KCNJ3: variants seen among roughly 807,000 people sequenced by gnomAD.
KCNJ3 encodes the protein potassium inwardly rectifying channel subfamily J member 3, also known as G protein-activated inward rectifier potassium channel 1.
KCNJ3 carries 4 observed loss-of-function variants against 39.2 expected under a neutral mutation model. The ratio of observed to expected loss-of-function variants is 0.10; its 90% CI spans 0.05 to 0.23. The LOEUF is 0.23. Ranked by LOEUF, KCNJ3 falls within the 10% of genes least tolerant of loss-of-function variation. The probability of loss-of-function intolerance (pLI) is 1.00; values close to 1 mark genes in which losing one functional copy is unlikely to be tolerated. For synonymous variants in KCNJ3, 230 were observed against 237.4 expected (o/e 0.97, Z 0.29); for missense variants, 276 against 634.9 (o/e 0.43, Z 6.08).
At chr2:154,838,943 T>C (rs570590846) in intron 2 of KCNJ3, among the ~76,000 whole-genome samples, 2 of 149,338 alleles carry the variant, frequency 1.3e-5, no homozygotes, top group African/African-American at 2.6e-5. Context: ...GAAATTTTTA[T>C]GTATGTATTT....
At chr2:154,743,181 A>G (rs1685682593) in intron 2 of KCNJ3, among the ~76,000 whole-genome samples, 1 of 151,824 alleles carries the variant, frequency 6.6e-6, no homozygotes, top group African/African-American at 2.4e-5. Context: ...GACCATATAC[A>G]TAAGAGTTTA....
chr2:154,717,370 G>A (rs1685199191), intron 2 of KCNJ3, among the ~76,000 whole-genome samples: 1 of 152,144 alleles, frequency 6.6e-6, no homozygotes, highest in Non-Finnish European at 1.5e-5. Context: ...GATCATATTG[G>A]TGTGATAGAA....
intron 2 of KCNJ3, among the ~76,000 whole-genome samples, chr2:154,749,368 C>T (rs1014624406): frequency 2.0e-5 from 3 of 152,026 alleles, no homozygotes; most frequent in Non-Finnish European, 2.9e-5. Context: ...AGATCTGCTT[C>T]GTTATGGTTC....
chr2:154,813,058 A>T (rs2105103115), intron 2 of KCNJ3, among the ~76,000 whole-genome samples: 1 of 152,294 alleles, frequency 6.6e-6, no homozygotes, highest in East Asian at 1.9e-4. Context: ...TAGTAAGGGT[A>T]ACTCATTAAC....
At chr2:154,721,698 C>T (rs1685265818) in intron 2 of KCNJ3, among the ~76,000 whole-genome samples, 1 of 151,934 alleles carries the variant, frequency 6.6e-6, no homozygotes, top group African/African-American at 2.4e-5. Flanking sequence ...TCTTAGCTAC[C>T]ATCAAGTTGA....
intron 2 of KCNJ3, among the ~76,000 whole-genome samples, chr2:154,838,948 G>C (rs2961966): frequency 1.3e-5 from 2 of 149,418 alleles, no homozygotes; most frequent in African/African-American, 5.1e-5. Context: ...TTTTATGTAT[G>C]TATTTATTTT....
intron 1 of KCNJ3, among the ~76,000 whole-genome samples, chr2:154,700,644 T>G (rs1191596813): frequency 6.6e-6 from 1 of 152,218 alleles, no homozygotes; most frequent in Non-Finnish European, 1.5e-5. Context: ...CCTTTGAAAT[T>G]TCAATTTCCA....
chr2:154,777,830 A>G (rs1686366584), intron 2 of KCNJ3, among the ~76,000 whole-genome samples: 3 of 152,222 alleles, frequency 2.0e-5, no homozygotes, highest in Admixed American at 1.3e-4. Context: ...CTCGGTTGGC[A>G]AAACATACTG....
intron 2 of KCNJ3, among the ~76,000 whole-genome samples, chr2:154,746,747 A>T (rs1304056918): frequency 6.6e-6 from 1 of 151,580 alleles, no homozygotes; most frequent in African/African-American, 2.4e-5. Context: ...AAGAAAATTC[A>T]TAAAGTCTTT....
intron 2 of KCNJ3, among the ~76,000 whole-genome samples, chr2:154,726,143 C>T (rs988556760): frequency 2.6e-5 from 4 of 152,036 alleles, no homozygotes; most frequent in Non-Finnish European, 5.9e-5. Flanking sequence ...TTCTTCTGCA[C>T]AGCAAAAGAA....
chr2:154,800,034 G>A (rs1686784282), intron 2 of KCNJ3, among the ~76,000 whole-genome samples: 1 of 152,160 alleles, frequency 6.6e-6, no homozygotes, highest in South Asian at 2.1e-4. Context: ...TTTGTACCAA[G>A]TCTTGAAGGA....
chr2:154,783,225 G>T (rs1367839474), intron 2 of KCNJ3, among the ~76,000 whole-genome samples: 1 of 152,112 alleles, frequency 6.6e-6, no homozygotes, highest in Non-Finnish European at 1.5e-5. Context: ...ATATACAGAG[G>T]AGACACTGAA....
chr2:154,805,739 T>C (rs1414278471), intron 2 of KCNJ3, among the ~76,000 whole-genome samples: 1 of 152,166 alleles, frequency 6.6e-6, no homozygotes, highest in Admixed American at 6.6e-5. Flanking sequence ...AGAATGTGCA[T>C]ATATCACACA....
Position 154,698,695 on chromosome 2 carries a change from A to AC in KCNJ3, c.-79dup. 8.1e-6 allele frequency: 1 copy of AC among 124,082 alleles called. No homozygotes were observed. Among genetic ancestry groups the AC allele is most frequent in the Non-Finnish European group, 1.8e-5 (1 of 56,898 alleles). 7.7% of individuals were successfully genotyped at this position (124,082 alleles called of 1,614,324 possible). ...TCGCCCCCTTTCCTCCCCCGCCCCC[A>AC]CCTCCTTATTGGTGCTAGTTTGCAG... On this transcript the variant is annotated 5_prime_UTR_variant, in exon 1 of 3. Coordinates refer to ENST00000295101, the MANE Select transcript of KCNJ3 (RefSeq NM_002239.4).
At chr2:154,812,660 A>T (rs2921434) in intron 2 of KCNJ3, among the ~76,000 whole-genome samples, 3,154 of 152,166 alleles carry the variant, frequency 0.021, 186 homozygotes, top group Admixed American at 0.13. Context: ...GAATTTTTTT[A>T]AAAATCTGGG....
intron 2 of KCNJ3, among the ~76,000 whole-genome samples, chr2:154,724,999 C>G (rs181099854): frequency 6.8e-6 from 1 of 147,022 alleles, no homozygotes; most frequent in East Asian, 2.0e-4. Flanking sequence ...TAATGACTCA[C>G]CTGGGCTTTT....
intron 2 of KCNJ3, among the ~76,000 whole-genome samples, chr2:154,727,790 C>T (rs1382773180): frequency 6.6e-6 from 1 of 151,544 alleles, no homozygotes. Context: ...AGTCTAATAC[C>T]TGCGAGGTCA....
intron 2 of KCNJ3, among the ~76,000 whole-genome samples, chr2:154,820,044 C>T (rs544090465): frequency 1.0e-3 from 159 of 152,236 alleles, no homozygotes; most frequent in Non-Finnish European, 1.7e-3. Flanking sequence ...ACTCTTCCCT[C>T]AGCTTCCCCT....
At chr2:154,795,283 A>G (rs1686702646) in intron 2 of KCNJ3, among the ~76,000 whole-genome samples, 1 of 152,024 alleles carries the variant, frequency 6.6e-6, no homozygotes, top group African/African-American at 2.4e-5. Context: ...GTGCTCCTCA[A>G]TAAACAATTT....
Sources: allele counts gnomAD v4.1 joint callset (sites outside exome capture counted in the v4.1 genomes callset), GRCh38; gene constraint gnomAD v4.1.1; transcripts MANE v1.5; gene names NCBI Gene and HGNC (gene_info 2026-07-23, HGNC 2026-07-21).